Variants in PPARGC1A observed in about 807,000 individuals in gnomAD.
The protein encoded by PPARGC1A is peroxisome proliferator-activated receptor gamma coactivator 1-alpha.
PPARGC1A carries 25 observed loss-of-function variants against 88.7 expected under a neutral mutation model. The ratio of observed to expected loss-of-function variants is 0.28; its 90% confidence interval spans 0.21 to 0.39. The LOEUF is 0.39. Ranked by LOEUF, PPARGC1A falls within the 10% of genes least tolerant of loss-of-function variation. The probability of loss-of-function intolerance (pLI) is 1.00; values close to 1 mark genes in which losing one functional copy is unlikely to be tolerated. For missense variants in PPARGC1A, 880 were observed against 968.7 expected (o/e 0.91, Z 1.22); for synonymous variants, 363 against 355.6 (o/e 1.02, Z -0.24).
At chr4:24,167,619 C>T in the PPARGC1A span, among the ~76,000 whole-genome samples, 5 of 152,302 alleles carry the variant, frequency 3.3e-5, no homozygotes, top group East Asian at 7.7e-4. Flanking sequence ...GCCACCCAAC[C>T]CTCAGCAACC....
At chr4:23,921,271 A>G in the PPARGC1A span, among the ~76,000 whole-genome samples, 7 of 152,190 alleles carry the variant, frequency 4.6e-5, no homozygotes, top group African/African-American at 1.7e-4. Context: ...AACCAAGTGC[A>G]TGCGTGTGTG....
the PPARGC1A span, among the ~76,000 whole-genome samples, chr4:24,343,168 A>T: frequency 6.6e-6 from 1 of 152,158 alleles, no homozygotes; most frequent in African/African-American, 2.4e-5. Flanking sequence ...TCATAAATGG[A>T]TTGTTCTGTG....
At chr4:24,329,918 T>C in the PPARGC1A span, among the ~76,000 whole-genome samples, 1 of 152,216 alleles carries the variant, frequency 6.6e-6, no homozygotes, top group African/African-American at 2.4e-5. Context: ...TATTCTCTCC[T>C]ACCTCTCCTC....
chr4:24,129,566 C>A, the PPARGC1A span, among the ~76,000 whole-genome samples: 2 of 152,130 alleles, frequency 1.3e-5, no homozygotes, highest in Non-Finnish European at 2.9e-5. Flanking sequence ...TCTAGTTCAA[C>A]CATTGTGGAA....
intron 2 of PPARGC1A, among the ~76,000 whole-genome samples, chr4:23,854,972 T>C (rs913640836): frequency 6.6e-6 from 1 of 152,162 alleles, no homozygotes; most frequent in Non-Finnish European, 1.5e-5. Flanking sequence ...GAATTGTAGC[T>C]CCTATAATTC....
At chr4:24,159,185 C>T in the PPARGC1A span, among the ~76,000 whole-genome samples, 1 of 145,284 alleles carries the variant, frequency 6.9e-6, no homozygotes, top group African/African-American at 2.5e-5. Context: ...ACATAAGAAA[C>T]TAAGGATCAA....
At chr4:24,124,146 C>T in the PPARGC1A span, among the ~76,000 whole-genome samples, 2 of 152,120 alleles carry the variant, frequency 1.3e-5, no homozygotes, top group Admixed American at 1.3e-4. Flanking sequence ...GCCGGATACA[C>T]TATCTTGCAA....
At chr4:24,407,796 A>T in the PPARGC1A span, among the ~76,000 whole-genome samples, 1 of 152,214 alleles carries the variant, frequency 6.6e-6, no homozygotes, top group Non-Finnish European at 1.5e-5. Flanking sequence ...TGAAAAATAA[A>T]TCCATTAATT....
At chr4:24,248,816 G>T in the PPARGC1A span, among the ~76,000 whole-genome samples, 1 of 152,178 alleles carries the variant, frequency 6.6e-6, no homozygotes, top group Non-Finnish European at 1.5e-5. Context: ...CCTTCTGGGG[G>T]TTATAACATG....
chr4:24,175,538 C>CTTTTTTTTTTTTTTT, the PPARGC1A span, among the ~76,000 whole-genome samples: 11 of 84,878 alleles, frequency 1.3e-4, no homozygotes, highest in East Asian at 3.9e-4. Flanking sequence ...CCACACCAAG[C>CTTTTTTTTTTTTTTT]TTTTTTTTTT....
the PPARGC1A span, among the ~76,000 whole-genome samples, chr4:24,470,520 C>A: frequency 5.1e-4 from 78 of 152,198 alleles, no homozygotes; most frequent in African/African-American, 1.9e-3. The surrounding 1 kb of genome is among the most constrained non-coding windows in gnomAD (Gnocchi z 5.8). Flanking sequence ...ACCCTCCGGG[C>A]CCCGATCGTG....
At chr4:24,054,262 GGT>G in the PPARGC1A span, among the ~76,000 whole-genome samples, 1 of 150,814 alleles carries the variant, frequency 6.6e-6, no homozygotes, top group Non-Finnish European at 1.5e-5. Flanking sequence ...GAGGAGAGGT[GGT>G]GTCTGGGAGG....
intron 12 of PPARGC1A, among the ~76,000 whole-genome samples, chr4:23,798,706 TC>T (rs1718088976): frequency 6.6e-6 from 1 of 152,154 alleles, no homozygotes; most frequent in African/African-American, 2.4e-5. Flanking sequence ...TTTCTCTTGG[TC>T]TTTCCCCTCT....
chr4:23,907,681 T>C (rs1720211722), upstream of PPARGC1A, among the ~76,000 whole-genome samples: 1 of 152,214 alleles, frequency 6.6e-6, no homozygotes, highest in Non-Finnish European at 1.5e-5. Flanking sequence ...TGAGGAGCCT[T>C]TTAGAGCGCC....
the PPARGC1A span, among the ~76,000 whole-genome samples, chr4:24,121,373 G>A: frequency 1.3e-5 from 2 of 152,164 alleles, no homozygotes; most frequent in African/African-American, 4.8e-5. Flanking sequence ...CAGGGGTCAC[G>A]CTCACTAGGG....
At chr4:24,039,146 G>A in the PPARGC1A span, among the ~76,000 whole-genome samples, 18 of 152,098 alleles carry the variant, frequency 1.2e-4, no homozygotes, top group Admixed American at 3.3e-4. Context: ...GTGAATCATC[G>A]ACAAATCCCA....
chr4:24,033,429 A>ACACACACACG, the PPARGC1A span, among the ~76,000 whole-genome samples: 33 of 151,846 alleles, frequency 2.2e-4, no homozygotes, highest in Non-Finnish European at 4.6e-4. Context: ...ACACACACAC[A>ACACACACACG]CACGCATCCA....
the PPARGC1A span, among the ~76,000 whole-genome samples, chr4:24,362,070 T>C: frequency 5.9e-5 from 9 of 152,344 alleles, no homozygotes; most frequent in East Asian, 1.5e-3. Context: ...AAAACTTATA[T>C]TCATTCAGTG....
the PPARGC1A span, among the ~76,000 whole-genome samples, chr4:24,135,242 G>A: frequency 1.3e-5 from 2 of 152,130 alleles, no homozygotes; most frequent in Admixed American, 1.3e-4. Context: ...GTCTCTGTGA[G>A]GAGCCATCCT....
Sources: gnomAD v4.1 joint callset for allele counts (sites outside exome capture counted in the v4.1 genomes callset) on GRCh38, gnomAD v4.1.1 for gene constraint, Gnocchi (gnomAD v3.1) non-coding constraint, MANE v1.5 for transcripts, NCBI Gene and HGNC (gene_info 2026-07-23, HGNC 2026-07-21) for gene names.